The following SPON1 variants were observed in gnomAD, a reference collection of about 807,000 sequenced individuals.
The protein encoded by SPON1 is spondin 1, also known as spondin-1.
In SPON1, 52 loss-of-function variants were observed where a neutral mutation model predicts 111.7. The ratio of observed to expected loss-of-function variants is 0.47; its 90% CI spans 0.37 to 0.59. SPON1 has a LOEUF of 0.59. Ranked by LOEUF, SPON1 falls within the 20% of genes least tolerant of loss-of-function variation. The pLI, the probability that SPON1 is intolerant of heterozygous loss-of-function variation, is 0.00. For missense variants in SPON1, 957 were observed against 1,068.5 expected (o/e 0.90, Z 1.46); for synonymous variants, 410 against 395.8 (o/e 1.04, Z -0.43).
rs536749008 is a variant in SPON1 at position 14,266,986 on chromosome 11, T to C, written c.*1299T>C. On this transcript the variant is annotated 3_prime_UTR_variant, in exon 16 of 16. Coordinates refer to ENST00000576479, the MANE Select transcript of SPON1 (RefSeq NM_006108.4). ...TTTTCTCAGTTGGGTCCATCAGCAG[T>C]TTTTCTTCCTGCATTTATTGTTGAA... The C allele has an allele frequency of 1.3e-5, 2 of 152,304 alleles. No homozygotes were observed. Among genetic ancestry groups the C allele is most frequent in the East Asian group, 3.9e-4 (2 of 5,190 alleles). The allele number at this position is 152,304 out of a possible 1,614,324, so 9.4% of individuals were successfully genotyped here.
chr11:14,161,047 T>C lies in SPON1; in HGVS notation c.825+25479T>C, dbSNP rs188636871. 4.2e-4 allele frequency among the ~76,000 whole-genome samples: 15 copies of C among 35,646 alleles called. 1 individual carries two copies. Among genetic ancestry groups the C allele is most frequent in the African/African-American group, 1.5e-3 (14 of 9,122 alleles). 23.4% of individuals were successfully genotyped at this position (35,646 alleles called of 152,430 possible). A position where few individuals can be genotyped will look rare whatever the true frequency, so the allele number is the denominator to read the frequency against. On this transcript the variant is annotated intron_variant, in intron 6 of 15. Coordinates refer to ENST00000576479, the MANE Select transcript of SPON1 (RefSeq NM_006108.4). The stretch of plus-strand genomic sequence containing the variant: ...TATATATTTATATATATCTATATAT[T>C]TATATATATTTATATATATCTATAA...
intron 6 of SPON1, among the ~76,000 whole-genome samples, chr11:14,223,876 G>A (rs912554748): frequency 1.3e-5 from 2 of 152,194 alleles, no homozygotes; most frequent in Non-Finnish European, 2.9e-5. Context: ...GGGGGTCCAG[G>A]TCCCTTCTGC....
intron 2 of SPON1, among the ~76,000 whole-genome samples, chr11:14,008,429 C>T (rs1046013601): frequency 1.3e-5 from 2 of 152,158 alleles, no homozygotes; most frequent in Non-Finnish European, 2.9e-5. Context: ...CTCTGGAAGG[C>T]TTGTCCTCCC....
intron 2 of SPON1, among the ~76,000 whole-genome samples, chr11:14,015,885 T>C (rs1848440843): frequency 6.6e-6 from 1 of 152,302 alleles, no homozygotes; most frequent in Non-Finnish European, 1.5e-5. Context: ...ACCTGCCTTA[T>C]CTGACCGGCT....
At chr11:14,129,461 TC>T (rs200445583) in intron 5 of SPON1, among the ~76,000 whole-genome samples, 2,595 of 152,308 alleles carry the variant, frequency 0.017, 27 homozygotes, top group Middle Eastern at 0.031. Flanking sequence ...TTACTCCCGT[TC>T]CCAAGAAGTT....
At chr11:14,090,824 G>GCCCCCCCCCCC (rs1176498162) in intron 5 of SPON1, among the ~76,000 whole-genome samples, 11 of 45,604 alleles carry the variant, frequency 2.4e-4, no homozygotes, top group African/African-American at 4.9e-4. Flanking sequence ...CTCTTATCTG[G>GCCCCCCCCCCC]CCCCCCCCCC....
At chr11:14,126,207 G>C (rs997860947) in intron 5 of SPON1, among the ~76,000 whole-genome samples, 5 of 152,150 alleles carry the variant, frequency 3.3e-5, no homozygotes, top group Admixed American at 6.5e-5. Context: ...TTGATCAAAT[G>C]TCTGCCCTCC....
intron 2 of SPON1, among the ~76,000 whole-genome samples, chr11:14,002,123 G>C (rs1848323787): frequency 6.6e-6 from 1 of 152,210 alleles, no homozygotes; most frequent in African/African-American, 2.4e-5. Flanking sequence ...GAAGGAAAGT[G>C]AGAGTAGATA....
At chr11:14,181,313 G>A (rs1249087373) in intron 6 of SPON1, among the ~76,000 whole-genome samples, 2 of 152,166 alleles carry the variant, frequency 1.3e-5, no homozygotes, top group Admixed American at 1.3e-4. Flanking sequence ...TTGGAGCTCA[G>A]CATTAAACAG....
At chr11:14,020,950 T>G (rs1335874829) in intron 2 of SPON1, among the ~76,000 whole-genome samples, 2 of 152,212 alleles carry the variant, frequency 1.3e-5, no homozygotes, top group Middle Eastern at 3.2e-3. Context: ...ACTGAATATT[T>G]CTGGCACAGA....
chr11:14,125,147 G>T (rs1847439571), intron 5 of SPON1, among the ~76,000 whole-genome samples: 1 of 152,328 alleles, frequency 6.6e-6, no homozygotes, highest in South Asian at 2.1e-4. Context: ...GTCCTGGGCA[G>T]CACCCAGGCG....
intron 6 of SPON1, among the ~76,000 whole-genome samples, chr11:14,224,225 A>G (rs1399482767): frequency 1.3e-5 from 2 of 152,154 alleles, no homozygotes; most frequent in African/African-American, 4.8e-5. Context: ...GGAAATGGAT[A>G]CATGATATGT....
intron 6 of SPON1, among the ~76,000 whole-genome samples, chr11:14,162,261 G>C (rs1346106443): frequency 6.6e-6 from 1 of 152,100 alleles, no homozygotes; most frequent in Non-Finnish European, 1.5e-5. Flanking sequence ...AGAGAGGGGG[G>C]AAACACTAAC....
In SPON1 at chr11:14,135,373, TTCA is replaced by T; in HGVS notation, c.677-46_677-44del. On this transcript the variant is annotated intron_variant, in intron 5 of 15. Transcript: ENST00000576479. The surrounding 1 kb of genome is among the most constrained non-coding windows in gnomAD (Gnocchi z 4.4). Reference sequence around the variant, plus strand: ...TCCCCATCATTTAAGGGACTCGTGTTTCAGCCACAGCCATGCTGATAACTGCCT... The same window carrying T: ...TCCCCATCATTTAAGGGACTCGTGTTGCCACAGCCATGCTGATAACTGCCT... 6.3e-7 allele frequency: 1 copy of T among 1,582,264 alleles called. No individual in the cohort carries two copies.
At chr11:14,198,890 G>A (rs567964030) in intron 6 of SPON1, among the ~76,000 whole-genome samples, 1 of 152,190 alleles carries the variant, frequency 6.6e-6, no homozygotes, top group South Asian at 2.1e-4. Flanking sequence ...TGTTGTATTT[G>A]CATTTTTTTA....
intron 5 of SPON1, among the ~76,000 whole-genome samples, chr11:14,120,114 G>C (rs1249845055): frequency 6.6e-6 from 1 of 152,134 alleles, no homozygotes; most frequent in African/African-American, 2.4e-5. Flanking sequence ...GGGTGGCCCT[G>C]GGTGAGTCAT....
At chr11:14,052,831 G>A (rs541884984) in intron 3 of SPON1, among the ~76,000 whole-genome samples, 12 of 152,312 alleles carry the variant, frequency 7.9e-5, no homozygotes, top group African/African-American at 2.6e-4. Context: ...GAATTAAATA[G>A]GAAGTACAGG....
chr11:14,222,920 A>G (rs1554937725), intron 6 of SPON1, among the ~76,000 whole-genome samples: 1 of 152,234 alleles, frequency 6.6e-6, no homozygotes, highest in Admixed American at 6.5e-5. Flanking sequence ...GCTCCAGCAC[A>G]TCACTGTCCC....
chr11:14,024,154 G>C (rs953361090), intron 2 of SPON1, among the ~76,000 whole-genome samples: 38 of 152,182 alleles, frequency 2.5e-4, no homozygotes, highest in Non-Finnish European at 5.9e-5. Flanking sequence ...GTCATGGGGA[G>C]CACTTTTGGG....
Sources: gnomAD v4.1 joint callset for allele counts (sites outside exome capture counted in the v4.1 genomes callset) on GRCh38, gnomAD v4.1.1 for gene constraint, Gnocchi (gnomAD v3.1) non-coding constraint, MANE v1.5 for transcripts, NCBI Gene and HGNC (gene_info 2026-07-23, HGNC 2026-07-21) for gene names.